GRM5: variants seen among roughly 807,000 people sequenced by gnomAD.
The protein encoded by GRM5 is glutamate metabotropic receptor 5.
Under a neutral mutation model 83.1 loss-of-function variants are expected in GRM5, and 19 were observed. The observed-to-expected ratio is 0.23, with a 90% CI of 0.16 to 0.34. The LOEUF (loss-of-function observed/expected upper bound fraction) is 0.34. Among genes scored for constraint, GRM5 ranks in the 10% least tolerant of loss-of-function variants. The pLI is 1.00. For missense variants in GRM5, 1,160 were observed against 1,588.3 expected (o/e 0.73, Z 4.58); for synonymous variants, 675 against 633.6 (o/e 1.07, Z -0.98).
chr11:88,739,247 T>C (rs1433324135), intron 3 of GRM5, among the ~76,000 whole-genome samples: 1 of 152,042 alleles, frequency 6.6e-6, no homozygotes, highest in East Asian at 1.9e-4. Context: ...TCTTATGCAT[T>C]CTTCACTCGA....
chr11:88,876,486 T>A (rs1212735874), intron 2 of GRM5, among the ~76,000 whole-genome samples: 1 of 152,142 alleles, frequency 6.6e-6, no homozygotes, highest in East Asian at 1.9e-4. Flanking sequence ...CATTTTTAAA[T>A]TTTTCTTCAA....
intron 7 of GRM5, among the ~76,000 whole-genome samples, chr11:88,574,985 C>CT (rs796257304): frequency 0.023 from 2,675 of 116,132 alleles, 64 homozygotes; most frequent in African/African-American, 0.066. Context: ...CTTTTCTTTT[C>CT]TTTTTTTTTT....
At chr11:88,629,128 A>T (rs1185655685) in intron 4 of GRM5, among the ~76,000 whole-genome samples, 1 of 152,216 alleles carries the variant, frequency 6.6e-6, no homozygotes, top group African/African-American at 2.4e-5. Flanking sequence ...CACCTGAAGG[A>T]ATTTGATATC....
chr11:88,745,578 G>A (rs1185625328), intron 3 of GRM5, among the ~76,000 whole-genome samples: 1 of 152,106 alleles, frequency 6.6e-6, no homozygotes, highest in Non-Finnish European at 1.5e-5. Context: ...TGTAGATCTT[G>A]TAACTTCTAT....
intron 2 of GRM5, among the ~76,000 whole-genome samples, chr11:88,868,500 C>T (rs1944709165): frequency 6.6e-6 from 1 of 151,634 alleles, no homozygotes; most frequent in Non-Finnish European, 1.5e-5. Flanking sequence ...ATTAATTACA[C>T]ACATTTTTAT....
rs1940766759 is a variant in GRM5 at position 88,690,961 on chromosome 11, A to G, written c.912-37558T>C. Among the ~76,000 whole-genome samples, 10 of 152,330 alleles carry G rather than the reference A, an allele frequency of 6.6e-5. No individual in the cohort carries two copies. The South Asian group carries it at 2.1e-3, about 32-fold the overall frequency. ...TAGAGTTTGGACAAGAAGCAATTTA[A>G]AACCAGCCTATGGATCAATTTTTTA... On this transcript the variant is annotated intron_variant, in intron 3 of 9. Coordinates refer to ENST00000305447, the MANE Select transcript of GRM5 (RefSeq NM_001143831.3).
intron 4 of GRM5, among the ~76,000 whole-genome samples, chr11:88,636,534 A>C (rs1028706621): frequency 6.6e-5 from 10 of 151,628 alleles, no homozygotes; most frequent in Non-Finnish European, 1.3e-4. Context: ...AAAAAAAAAA[A>C]GAGTTTCTGT....
chr11:88,552,941 G>T (rs1279017080), intron 8 of GRM5, among the ~76,000 whole-genome samples: 1 of 152,178 alleles, frequency 6.6e-6, no homozygotes, highest in East Asian at 1.9e-4. Context: ...GGGATTTGGA[G>T]TTTGAAGGTG....
In GRM5 at chr11:88,881,034, A is replaced by T. The variant is rs1374344788; in HGVS notation, c.662-30879T>A. Among the ~76,000 whole-genome samples the T allele has an allele frequency of 2.6e-5, 4 of 152,292 alleles. No homozygotes were observed. The East Asian group carries it at 5.8e-4, about 22-fold the overall frequency. On this transcript the variant is annotated intron_variant, in intron 2 of 9. Transcript: ENST00000305447. ...AAGGTAATAACATTGTATATTACAG[A>T]AGTCCAGGAAAGCCTAAATGAAGGT...
chr11:88,828,618 T>C (rs1943933887), intron 3 of GRM5, among the ~76,000 whole-genome samples: 1 of 152,144 alleles, frequency 6.6e-6, no homozygotes, highest in African/African-American at 2.4e-5. Context: ...ACAATTATTA[T>C]ACACCAGTGA....
chr11:88,752,396 G>A (rs1158257280), intron 3 of GRM5, among the ~76,000 whole-genome samples: 1 of 152,088 alleles, frequency 6.6e-6, no homozygotes, highest in Non-Finnish European at 1.5e-5. Flanking sequence ...AGTTAACATG[G>A]GAAGTGAAGG....
Position 88,586,009 on chromosome 11 carries a change from C to G in GRM5, c.1690+4592G>C, listed in dbSNP as rs1010963469. ...TTCTGGTGTTCCTAAGAATTTATGA[C>G]TGCTATTGAGAATATGGCTGGCTTA... On this transcript the variant is annotated intron_variant, in intron 7 of 9. Transcript: ENST00000305447. 3.3e-5 allele frequency among the ~76,000 whole-genome samples: 5 copies of G among 151,996 alleles called. No homozygotes were observed. In the South Asian group the frequency reaches 1.0e-3, roughly 32 times the overall value.
intron 3 of GRM5, among the ~76,000 whole-genome samples, chr11:88,725,194 TG>T (rs1204034736): frequency 6.6e-6 from 1 of 151,994 alleles, no homozygotes; most frequent in Non-Finnish European, 1.5e-5. Context: ...TCAAGTTTGG[TG>T]GGGGGAGAGG....
At chr11:88,744,453 A>G (rs368996167) in intron 3 of GRM5, among the ~76,000 whole-genome samples, 1 of 152,248 alleles carries the variant, frequency 6.6e-6, no homozygotes, top group South Asian at 2.1e-4. Flanking sequence ...TTTATTTTAT[A>G]GCTTTTGCAA....
chr11:88,816,597 T>C (rs1163993950), intron 3 of GRM5, among the ~76,000 whole-genome samples: 2 of 131,308 alleles, frequency 1.5e-5, no homozygotes, highest in Non-Finnish European at 3.4e-5. Flanking sequence ...CAAATGAAGA[T>C]AAAAATAAGC....
chr11:88,773,456 T>C (rs1051385997), intron 3 of GRM5, among the ~76,000 whole-genome samples: 2 of 152,212 alleles, frequency 1.3e-5, no homozygotes, highest in African/African-American at 4.8e-5. Context: ...TTTAGTTTAA[T>C]TAGATGCCAT....
intron 3 of GRM5, among the ~76,000 whole-genome samples, chr11:88,657,453 G>A (rs971994689): frequency 3.3e-5 from 5 of 152,102 alleles, no homozygotes; most frequent in African/African-American, 1.2e-4. Flanking sequence ...TTATACATAT[G>A]TACTGGATTC....
At chr11:88,663,843 A>G (rs1230712742) in intron 3 of GRM5, among the ~76,000 whole-genome samples, 1 of 152,222 alleles carries the variant, frequency 6.6e-6, no homozygotes, top group Non-Finnish European at 1.5e-5. Context: ...GCAATATTAA[A>G]TCAGTAATTT....
At chr11:88,705,978 G>T (rs576389623) in intron 3 of GRM5, among the ~76,000 whole-genome samples, 10 of 152,058 alleles carry the variant, frequency 6.6e-5, no homozygotes, top group African/African-American at 2.4e-4. Context: ...ACAACCCTAA[G>T]TGTTAGATTA....
Sources: gnomAD v4.1 joint callset for allele counts (sites outside exome capture counted in the v4.1 genomes callset) on GRCh38, gnomAD v4.1.1 for gene constraint, MANE v1.5 for transcripts, NCBI Gene and HGNC (gene_info 2026-07-23, HGNC 2026-07-21) for gene names.